The following RNF17 variants were observed in gnomAD, a reference collection of about 807,000 sequenced individuals.
RNF17 encodes spermatogenesis associated 23.
RNF17 carries 31 observed loss-of-function variants against 200.5 expected under a neutral mutation model. That is an observed-to-expected ratio of 0.15 (90% confidence interval 0.12 to 0.21). The LOEUF is 0.21. Among genes scored for constraint, RNF17 ranks in the 10% least tolerant of loss-of-function variants. RNF17 has a pLI of 1.00. For synonymous variants in RNF17, 606 were observed against 637.8 expected (o/e 0.95, Z 0.75); for missense variants, 1,628 against 1,905.1 (o/e 0.85, Z 2.71).
intron 15 of RNF17, among the ~76,000 whole-genome samples, chr13:24,811,654 T>C (rs571651366): frequency 6.6e-6 from 1 of 152,330 alleles, no homozygotes; most frequent in South Asian, 2.1e-4. Context: ...TCAAAGTCAT[T>C]CTCCGTCCCG....
intron 12 of RNF17, among the ~76,000 whole-genome samples, chr13:24,799,813 T>A (rs1216445612): frequency 2.0e-5 from 3 of 152,162 alleles, no homozygotes; most frequent in Non-Finnish European, 4.4e-5. Flanking sequence ...ACTTAAGTAC[T>A]CTTCTTATGT....
intron 6 of RNF17, among the ~76,000 whole-genome samples, chr13:24,785,116 C>T (rs192743971): frequency 6.6e-6 from 1 of 150,590 alleles, no homozygotes; most frequent in African/African-American, 2.4e-5. Flanking sequence ...CCTTTATTTC[C>T]TTCCTTCTGC....
chr13:24,803,550 C>T (rs527481112), intron 14 of RNF17, among the ~76,000 whole-genome samples: 1 of 152,286 alleles, frequency 6.6e-6, no homozygotes, highest in South Asian at 2.1e-4. Flanking sequence ...TTCCAAAGTG[C>T]TGGGATTACA....
intron 2 of RNF17, among the ~76,000 whole-genome samples, chr13:24,770,688 T>C (rs1566112725): frequency 6.6e-6 from 1 of 152,156 alleles, no homozygotes; most frequent in Non-Finnish European, 1.5e-5. Context: ...TGAAAGAACA[T>C]TCTCTTCCCC....
chr13:24,775,019 G>T, intron 3 of RNF17, 115 bp downstream of exon 3: 1 of 661,160 alleles, frequency 1.5e-6, no homozygotes, highest in Non-Finnish European at 2.5e-6. Flanking sequence ...ACTGTTTATG[G>T]AATGCTCTTT....
At chr13:24,751,555 A>G in the RNF17 span, 2 of 151,886 alleles carry the variant, frequency 1.3e-5, no homozygotes, top group Admixed American at 6.6e-5. Flanking sequence ...TTTCTTTTTT[A>G]TATGAAGGTT....
At position 24,877,183 on chromosome 13, in the gene RNF17, C is replaced by T; in HGVS notation, c.4770C>T (p.Ser1590=). Residue 1590 remains serine, a synonymous_variant, in exon 34 of 36, where the codon TCC becomes TCT. Coordinates refer to ENST00000255324, the MANE Select transcript of RNF17 (RefSeq NM_031277.3). ...CLQGKQLYAV[S]MAPAPEQIVT... Reference sequence around the variant, plus strand: ...AAGGAAAACAACTCTATGCTGTGTCCATGGTAAGTGTCTCAAGTAGCCAAA... The same window carrying T: ...AAGGAAAACAACTCTATGCTGTGTCTATGGTAAGTGTCTCAAGTAGCCAAA... The T allele has an allele frequency of 1.2e-6, 2 of 1,608,162 alleles. No individual in the cohort carries two copies. The highest frequency in any genetic ancestry group is 8.5e-7 in the Non-Finnish European group (1 of 1,178,274).
intron 23 of RNF17, among the ~76,000 whole-genome samples, chr13:24,851,080 C>T (rs933788110): frequency 3.9e-5 from 6 of 152,144 alleles, no homozygotes; most frequent in South Asian, 2.1e-4. Context: ...CCGCAATCTC[C>T]GACTCCCAGG....
At chr13:24,884,313 G>A (rs759692341), downstream of RNF17, 1 of 1,614,098 alleles carries the variant, frequency 6.2e-7, no homozygotes, top group South Asian at 1.1e-5. Flanking sequence ...GAACACCTCT[G>A]GAAACATACC....
chr13:24,882,005 GATATATAGATACATCTAT>G (rs1953862061), downstream of RNF17, among the ~76,000 whole-genome samples: 1 of 32,408 alleles, frequency 3.1e-5, no homozygotes, highest in African/African-American at 1.0e-4. Flanking sequence ...CATCTATATA[GATATATAGATACATCTAT>G]ATAGATATAT....
intron 32 of RNF17, among the ~76,000 whole-genome samples, chr13:24,873,250 A>G (rs1049648031): frequency 2.2e-4 from 33 of 152,196 alleles, no homozygotes; most frequent in African/African-American, 5.5e-4. Flanking sequence ...TACAAGAACT[A>G]GCAACTCTGG....
chr13:24,788,193 G>C (rs745697388), intron 7 of RNF17, 34 bp downstream of exon 7: 57 of 1,487,986 alleles, frequency 3.8e-5, no homozygotes, highest in Admixed American at 1.2e-4. Flanking sequence ...AGTTATTTCT[G>C]TGGTAGCTTA....
chr13:24,887,791 A>G, the RNF17 span, among the ~76,000 whole-genome samples: 1 of 152,314 alleles, frequency 6.6e-6, no homozygotes, highest in South Asian at 2.1e-4. Flanking sequence ...CTGATGCCAA[A>G]AAGGTTGGGG....
chr13:24,862,843 A>G lies in RNF17; in HGVS notation c.3975+50A>G, dbSNP rs1271529581. On this transcript the variant is annotated intron_variant, in intron 28 of 35. Transcript: ENST00000255324. ...TATAAATTACTTGCCATAAAATATT[A>G]TAATTAACATAATTTGAGGGATATT... is the stretch of plus-strand genomic sequence containing the variant. The G allele has an allele frequency of 4.9e-6, 5 of 1,021,516 alleles. No individual in the cohort carries two copies. The Admixed American group carries it at 7.0e-5, about 14-fold the overall frequency. The allele number at this position is 1,021,516 out of a possible 1,614,324, so 63.3% of individuals were successfully genotyped here. A position where few individuals can be genotyped will look rare whatever the true frequency, so the allele number is the denominator to read the frequency against.
At chr13:24,765,242 C>T (rs967392750) in intron 1 of RNF17, among the ~76,000 whole-genome samples, 5 of 152,122 alleles carry the variant, frequency 3.3e-5, no homozygotes, top group African/African-American at 7.2e-5. Flanking sequence ...GTCTCGATCT[C>T]CTGACCTCGT....
At chr13:24,886,302 T>TAG in the RNF17 span, 2 of 1,289,068 alleles carry the variant, frequency 1.6e-6, no homozygotes, top group Non-Finnish European at 2.0e-6. Flanking sequence ...AGCTGGATGT[T>TAG]ACGGGAGAAT....
Position 24,874,151 on chromosome 13 carries a change from G to T in RNF17, c.4485G>T (p.Trp1495Cys). 1 of 1,612,166 alleles carries T rather than the reference G, an allele frequency of 6.2e-7. No homozygotes were observed. The highest frequency in any genetic ancestry group is 8.5e-7 in the Non-Finnish European group (1 of 1,179,430). ...TTGCAGAATATGATGATGGCTTATG[G>T]TATAGAGCGAAGATTGTTGCCATTA... ...PCLAEYDDGL[W>C]YRAKIVAIKE... The change falls in exon 33 of 36, where the codon TGG becomes TGT. Residue 1495 changes from tryptophan to cysteine, a missense_variant. Trp to Cys is a radical substitution (Grantham distance 215). Transcript: ENST00000255324.
chr13:24,885,536 A>G, the RNF17 span: 2 of 1,287,846 alleles, frequency 1.6e-6, no homozygotes, highest in Non-Finnish European at 2.3e-6. Flanking sequence ...AGAAACGTTA[A>G]GTCTATTAAC....
chr13:24,810,376 A>G (rs2137814076), intron 15 of RNF17, among the ~76,000 whole-genome samples: 1 of 125,002 alleles, frequency 8.0e-6, no homozygotes, highest in East Asian at 2.3e-4. Flanking sequence ...TGTTGAATTG[A>G]TCCCTTTACC....
Sources: gnomAD v4.1 joint callset for allele counts (sites outside exome capture counted in the v4.1 genomes callset) on GRCh38, gnomAD v4.1.1 for gene constraint, MANE v1.5 for transcripts, NCBI Gene and HGNC (gene_info 2026-07-23, HGNC 2026-07-21) for gene names.